SLC24A4: variants seen among roughly 807,000 people sequenced by gnomAD.
SLC24A4 encodes the protein sodium/potassium/calcium exchanger 4.
A neutral mutation model predicts 79.0 loss-of-function variants in SLC24A4; 53 were observed. The observed-to-expected ratio is 0.67, with a 90% CI of 0.54 to 0.84. The LOEUF (loss-of-function observed/expected upper bound fraction) is 0.84, where lower values mean the gene tolerates loss of function less well. Ranked by LOEUF, SLC24A4 falls within the 40% of genes least tolerant of loss-of-function variation. SLC24A4 has a pLI of 0.00. For missense variants in SLC24A4, 731 were observed against 822.0 expected (o/e 0.89, Z 1.35); for synonymous variants, 323 against 323.8 (o/e 1.00, Z 0.03).
At chr14:92,417,806 G>A (rs1891061995) in intron 2 of SLC24A4, among the ~76,000 whole-genome samples, 1 of 152,246 alleles carries the variant, frequency 6.6e-6, no homozygotes, top group Non-Finnish European at 1.5e-5. Context: ...CTGCACAGGT[G>A]TGTGGCTTTG....
intron 5 of SLC24A4, 51 bp from the exon 6 acceptor site, chr14:92,442,662 C>T (rs369612861): frequency 4.7e-5 from 61 of 1,307,896 alleles, no homozygotes; most frequent in African/African-American, 7.3e-5. Flanking sequence ...GAGGAAGGGG[C>T]AGGCTGGGGA....
At chr14:92,445,977 G>A (rs1892773837) in intron 8 of SLC24A4, among the ~76,000 whole-genome samples, 1 of 152,182 alleles carries the variant, frequency 6.6e-6, no homozygotes, top group African/African-American at 2.4e-5. Context: ...TGGGAGAATG[G>A]CTTGCGCCCA....
intron 2 of SLC24A4, among the ~76,000 whole-genome samples, chr14:92,412,435 G>A (rs1305054918): frequency 6.6e-6 from 1 of 152,196 alleles, no homozygotes; most frequent in Non-Finnish European, 1.5e-5. Context: ...AGGTATTGAT[G>A]TTAACCCTGT....
At chr14:92,412,334 G>A (rs1890763051) in intron 2 of SLC24A4, among the ~76,000 whole-genome samples, 1 of 152,138 alleles carries the variant, frequency 6.6e-6, no homozygotes, top group South Asian at 2.1e-4. Flanking sequence ...TGTGGGACCA[G>A]CCCCACCCAA....
rs1364664776 is a variant in SLC24A4 at position 92,343,661 on chromosome 14, C to T, written c.241+17683C>T. 9.7e-3 allele frequency among the ~76,000 whole-genome samples: 1,061 copies of T among 109,722 alleles called. 4 individuals carry two copies. Among genetic ancestry groups the T allele is most frequent in the African/African-American group, 0.022 (553 of 25,448 alleles). 72.0% of individuals were successfully genotyped at this position (109,722 alleles called of 152,430 possible). Reference sequence around the variant, plus strand: ...CTTTCTCTCTTTCCTTCTTTCCTTCCTTCCTTCCTTCCTTCCTTCCTTCCT... The same window carrying T: ...CTTTCTCTCTTTCCTTCTTTCCTTCTTTCCTTCCTTCCTTCCTTCCTTCCT... On this transcript the variant is annotated intron_variant, in intron 2 of 16. Coordinates refer to ENST00000532405, the MANE Select transcript of SLC24A4 (RefSeq NM_153646.4).
At chr14:92,435,125 G>T (rs2139793287) in intron 3 of SLC24A4, among the ~76,000 whole-genome samples, 2 of 152,298 alleles carry the variant, frequency 1.3e-5, no homozygotes, top group Admixed American at 1.3e-4. Flanking sequence ...TAACCTCATT[G>T]TAAGTCTAGG....
At chr14:92,474,860 T>TAG (rs1894670672) in intron 12 of SLC24A4, among the ~76,000 whole-genome samples, 1 of 69,134 alleles carries the variant, frequency 1.4e-5, no homozygotes, top group Non-Finnish European at 2.7e-5. Flanking sequence ...TATATATATA[T>TAG]ATATTTTTTT....
chr14:92,482,054 G>T (rs998534113), intron 12 of SLC24A4, among the ~76,000 whole-genome samples: 2 of 152,148 alleles, frequency 1.3e-5, no homozygotes, highest in Admixed American at 1.3e-4. Flanking sequence ...CATGACCTTG[G>T]GACAAAGGAG....
At chr14:92,456,349 T>C in intron 11 of SLC24A4, 55 bp from the exon 12 acceptor site, 3 of 1,589,358 alleles carry the variant, frequency 1.9e-6, no homozygotes, top group East Asian at 2.2e-5. Context: ...CGTATAGCAA[T>C]AGCATGATGC....
At chr14:92,374,798 A>G (rs2141696964) in intron 2 of SLC24A4, among the ~76,000 whole-genome samples, 1 of 152,262 alleles carries the variant, frequency 6.6e-6, no homozygotes, top group East Asian at 1.9e-4. Context: ...TGGGTGCAAT[A>G]TTTTGCAATT....
rs1039262600 is a variant in SLC24A4 at position 92,339,629 on chromosome 14, G to A, written c.241+13651G>A. On this transcript the variant is annotated intron_variant, in intron 2 of 16. Coordinates refer to ENST00000532405, the MANE Select transcript of SLC24A4 (RefSeq NM_153646.4). ...GGAGGGTCCCCCTGGCTGAGGGAAC[G>A]GTGGGCGCGGGTGGGTATGGGTGGC... 4.6e-5 allele frequency among the ~76,000 whole-genome samples: 7 copies of A among 152,192 alleles called. No homozygotes were observed. The South Asian group carries it at 6.2e-4, about 13-fold the overall frequency.
In SLC24A4 at chr14:92,454,896, G is replaced by A. The variant is rs540022630; in HGVS notation, c.1050+827G>A. 1.6e-3 allele frequency among the ~76,000 whole-genome samples: 235 copies of A among 144,572 alleles called. 2 individuals are homozygous for A. The highest frequency in any genetic ancestry group is 5.5e-3 in the African/African-American group (226 of 40,860). 94.8% of individuals were successfully genotyped at this position (144,572 alleles called of 152,430 possible). On this transcript the variant is annotated intron_variant, in intron 11 of 16. Coordinates refer to ENST00000532405, the MANE Select transcript of SLC24A4 (RefSeq NM_153646.4). Reference sequence around the variant, plus strand: ...AAATTTGAATCAATGAAATTTGACCGAATCCAGGCCGTCTTTCATGCATGC... The same window carrying A: ...AAATTTGAATCAATGAAATTTGACCAAATCCAGGCCGTCTTTCATGCATGC...
chr14:92,474,118 A>G (rs372707484), intron 12 of SLC24A4, among the ~76,000 whole-genome samples: 5 of 152,202 alleles, frequency 3.3e-5, no homozygotes, highest in African/African-American at 9.7e-5. Context: ...GTCTCTTGGC[A>G]TAAGTTCAGG....
At chr14:92,377,131 G>C (rs1239363538) in intron 2 of SLC24A4, among the ~76,000 whole-genome samples, 1 of 152,204 alleles carries the variant, frequency 6.6e-6, no homozygotes, top group Non-Finnish European at 1.5e-5. Flanking sequence ...AACCTCTCCA[G>C]GGACCCCCAG....
intron 2 of SLC24A4, among the ~76,000 whole-genome samples, chr14:92,396,638 C>T (rs540234094): frequency 2.6e-5 from 4 of 152,134 alleles, no homozygotes; most frequent in East Asian, 3.8e-4. Flanking sequence ...GCTGCTTTGC[C>T]GCAACAGTTT....
At chr14:92,396,101 G>A (rs79799299) in intron 2 of SLC24A4, among the ~76,000 whole-genome samples, 6,339 of 152,274 alleles carry the variant, frequency 0.042, 463 homozygotes, top group African/African-American at 0.14. Flanking sequence ...TGGGATTATA[G>A]GCGTGAGCCA....
intron 9 of SLC24A4, 71 bp downstream of exon 9, chr14:92,447,495 G>C: frequency 7.0e-7 from 1 of 1,427,096 alleles, no homozygotes; most frequent in African/African-American, 1.4e-5. Context: ...TTTTGTGACA[G>C]CAGGGAGAAA....
chr14:92,351,906 G>GA (rs547912040), intron 2 of SLC24A4, among the ~76,000 whole-genome samples: 10,638 of 86,196 alleles, frequency 0.12, 500 homozygotes, highest in Non-Finnish European at 0.18. Context: ...GGAAAGGAAG[G>GA]AAGGAAAGGA....
rs181209424 is a variant in SLC24A4, at chr14:92,488,132, C to T, written c.1537+1352C>T. ...TGTCACCCAGGCTGGAGTACAATGG[C>T]GTGATCTCGGCTTACTGCAGCCTCT... On this transcript the variant is annotated intron_variant, in intron 14 of 16. Transcript: ENST00000532405. Among the ~76,000 whole-genome samples the T allele has an allele frequency of 2.4e-3, 362 of 149,030 alleles. 2 individuals are homozygous for T. The highest frequency in any genetic ancestry group is 8.7e-3 in the African/African-American group (350 of 40,402).
Sources: allele counts gnomAD v4.1 joint callset (sites outside exome capture counted in the v4.1 genomes callset), GRCh38; gene constraint gnomAD v4.1.1; transcripts MANE v1.5; gene names NCBI Gene and HGNC (gene_info 2026-07-23, HGNC 2026-07-21).